Variants in CD8A observed in about 807,000 individuals in gnomAD.
CD8A encodes T-cell surface glycoprotein CD8 alpha chain.
A neutral mutation model predicts 24.2 loss-of-function variants in CD8A; 25 were observed. The observed-to-expected ratio is 1.03, with a 90% CI of 0.75 to 1.44. The LOEUF (loss-of-function observed/expected upper bound fraction) is 1.44. CD8A is among the 40% of genes most tolerant of loss of function. The probability of loss-of-function intolerance (pLI) is 0.00; values close to 1 mark genes in which losing one functional copy is unlikely to be tolerated. For missense variants in CD8A, 360 were observed against 319.7 expected, an observed-to-expected ratio of 1.13 and a Z score of -0.96; for synonymous variants, 165 against 149.9, an observed-to-expected ratio of 1.10 and a Z score of -0.74.
chr2:86,792,372 G>A, upstream of CD8A, among the ~76,000 whole-genome samples: 1 of 152,202 alleles, frequency 6.6e-6, no homozygotes, highest in African/African-American at 2.4e-5. Flanking sequence ...ACCATGCCGA[G>A]ACTTCATGAT....
At chr2:86,807,217 G>A (rs1673937679) in intron 2 of CD8A, among the ~76,000 whole-genome samples, 1 of 152,174 alleles carries the variant, frequency 6.6e-6, no homozygotes, top group Non-Finnish European at 1.5e-5. Context: ...AGCTACTTGG[G>A]AGGCTGAGGT....
chr2:86,788,448 T>C (rs1376434233), intron 5 of CD8A, 82 bp downstream of exon 5: 1 of 1,132,806 alleles, frequency 8.8e-7, no homozygotes, highest in Non-Finnish European at 1.3e-6. Flanking sequence ...TGGGAAAAGT[T>C]CCCACTATTT....
intron 3 of CD8A, among the ~76,000 whole-genome samples, chr2:86,800,094 A>C (rs988548652): frequency 6.6e-6 from 1 of 152,186 alleles, no homozygotes; most frequent in African/African-American, 2.4e-5. Flanking sequence ...AATCAAGTTT[A>C]GCGCTAAAGA....
At chr2:86,798,620 T>A (rs906748221) in intron 3 of CD8A, among the ~76,000 whole-genome samples, 9 of 152,140 alleles carry the variant, frequency 5.9e-5, no homozygotes, top group Non-Finnish European at 1.5e-5. Context: ...CCTCCAGGGT[T>A]CAAGCAATTC....
chr2:86,801,917 C>CA (rs1161137077), intron 2 of CD8A, among the ~76,000 whole-genome samples: 3 of 152,094 alleles, frequency 2.0e-5, no homozygotes, highest in Non-Finnish European at 2.9e-5. Context: ...AATTTTCCCC[C>CA]AAAATTATGT....
intron 2 of CD8A, 64 bp downstream of exon 2, chr2:86,790,264 G>A (rs1673219049): frequency 8.3e-7 from 1 of 1,200,674 alleles, no homozygotes; most frequent in Non-Finnish European, 1.2e-6. Context: ...GCCCAGGTGT[G>A]GAAAACAGGT....
At chr2:86,806,960 G>A (rs1015135565) in intron 2 of CD8A, among the ~76,000 whole-genome samples, 1 of 151,684 alleles carries the variant, frequency 6.6e-6, no homozygotes, top group Non-Finnish European at 1.5e-5. Context: ...GACCTAGAGA[G>A]AAATGAGCCT....
In CD8A at chr2:86,789,403, T is replaced by A; in HGVS notation, c.545A>T (p.Asp182Val). The A allele has an allele frequency of 6.2e-7, 1 of 1,613,822 alleles. No individual in the cohort carries two copies. The highest frequency in any genetic ancestry group is 8.5e-7 in the Non-Finnish European group (1 of 1,179,850). Residue 182 changes from aspartate (D) to valine (V), a missense_variant, in exon 4 of 6, where the codon GAT becomes GTT. By Grantham distance (152) the Asp-to-Val change is radical. Transcript: ENST00000283635. ...GGCCAAGGGCGCCCAGATGTAGATA[T>A]CACAGGCGAAGTCCAGCCCCCTCGT... The part of the protein sequence containing the change: ...VHTRGLDFAC[D>V]IYIWAPLAGT...
At chr2:86,807,538 T>C (rs1036513121) in exon 2 of CD8A, 1 of 152,626 alleles carries the variant, frequency 6.6e-6, no homozygotes, top group Non-Finnish European at 1.5e-5. Context: ...GCAGGCTTCG[T>C]CCGGCTTCAT....
At chr2:86,805,946 T>A (rs565463453) in intron 2 of CD8A, among the ~76,000 whole-genome samples, 1 of 149,484 alleles carries the variant, frequency 6.7e-6, no homozygotes, top group Admixed American at 6.6e-5. Context: ...TCTCTCTTTC[T>A]TTTTCTTTTT....
intron 4 of CD8A, 63 bp downstream of exon 4, chr2:86,789,260 G>A (rs1673158335): frequency 1.8e-6 from 2 of 1,087,358 alleles, no homozygotes; most frequent in African/African-American, 1.5e-5. Flanking sequence ...TCCGCCTGGA[G>A]CTAGCAGAGC....
chr2:86,794,448 G>A (rs1170816143), upstream of CD8A, among the ~76,000 whole-genome samples: 4 of 152,186 alleles, frequency 2.6e-5, no homozygotes, highest in Admixed American at 1.3e-4. Context: ...GCCAATTCAG[G>A]TCTATGGAGA....
At position 86,789,426 on chromosome 2, in the gene CD8A, C is replaced by G. The variant is rs200085375; in HGVS notation, c.522G>C (p.Thr174=). The change falls in exon 4 of 6, where the codon ACG becomes ACC. Residue 174 remains threonine, a synonymous_variant. Coordinates refer to ENST00000283635, the MANE Select transcript of CD8A (RefSeq NM_001768.7). The stretch of plus-strand genomic sequence containing the variant: ...TATCACAGGCGAAGTCCAGCCCCCT[C>G]GTGTGCACTGACGACACCAAAGACG... ...CRPAAGGAVH[T]RGLDFACDIY... 44 of 1,612,824 alleles carry G rather than the reference C, an allele frequency of 2.7e-5. No individual in the cohort carries two copies. The East Asian group carries it at 9.6e-4, about 35-fold the overall frequency.
Position 86,789,676 on chromosome 2 carries a change from G to T in CD8A, c.478C>A (p.Arg160Ser), listed in dbSNP as rs756417756. ...GCCGCTGGCCGGCACGCCTCTGGGC[G>T]CAGGGACAGGGGCTGCGACGCGATG... ...PTIASQPLSL[R>S]PEACRPAAGG... The change falls in exon 3 of 6, where the codon CGC (arginine) becomes AGC (serine). Residue 160 changes from arginine (R) to serine (S), a missense_variant. Arg to Ser is a moderately radical substitution (Grantham distance 110). Transcript: ENST00000283635. The T allele has an allele frequency of 5.5e-6, 8 of 1,463,260 alleles. No homozygotes were observed. Among genetic ancestry groups the T allele is most frequent in the South Asian group, 4.1e-5 (3 of 72,762 alleles). The allele number at this position is 1,463,260 out of a possible 1,614,324, so 90.6% of individuals were successfully genotyped here. A position where few individuals can be genotyped will look rare whatever the true frequency, so the allele number is the denominator to read the frequency against.
chr2:86,790,930 C>G, upstream of CD8A: 1 of 1,110,506 alleles, frequency 9.0e-7, no homozygotes. Flanking sequence ...TTCGGCCGGC[C>G]CGGAGCCTGA....
At chr2:86,794,781 G>A (rs780310507), upstream of CD8A, among the ~76,000 whole-genome samples, 1 of 152,018 alleles carries the variant, frequency 6.6e-6, no homozygotes, top group South Asian at 2.1e-4. Context: ...TGCCTGTGAG[G>A]CCCTGCACAC....
chr2:86,788,519 AAG>A lies in CD8A; in HGVS notation c.656+9_656+10del, dbSNP rs752005086. On this transcript the variant is annotated intron_variant, in intron 5 of 5. Transcript: ENST00000283635. Reference sequence around the variant, plus strand: ...GCCAAGGTGAGCAGGCTGAGTTCAAAAGAGACTCACCGGGGACATTTGCAAAC... The same window carrying A: ...GCCAAGGTGAGCAGGCTGAGTTCAAAAGACTCACCGGGGACATTTGCAAAC... The A allele has an allele frequency of 3.1e-6, 5 of 1,612,568 alleles. No homozygotes were observed. Among genetic ancestry groups the A allele is most frequent in the Non-Finnish European group, 8.5e-7 (1 of 1,178,922 alleles).
chr2:86,791,791 G>A (rs1673321932), upstream of CD8A: 1 of 399,434 alleles, frequency 2.5e-6, no homozygotes, highest in Admixed American at 2.8e-5. Context: ...CAGGCTTGAA[G>A]TCATTCAACC....
At chr2:86,801,088 A>G (rs1673656644) in intron 3 of CD8A, among the ~76,000 whole-genome samples, 1 of 152,208 alleles carries the variant, frequency 6.6e-6, no homozygotes, top group African/African-American at 2.4e-5. Flanking sequence ...TGTAGCCCTC[A>G]GAAGGAACAC....
Sources: allele counts gnomAD v4.1 joint callset (sites outside exome capture counted in the v4.1 genomes callset), GRCh38; gene constraint gnomAD v4.1.1; transcripts MANE v1.5; gene names NCBI Gene and HGNC (gene_info 2026-07-23, HGNC 2026-07-21).